TXNRD2: variants seen among roughly 807,000 people sequenced by gnomAD.
The protein encoded by TXNRD2 is thioredoxin reductase 2, also known as thioredoxin reductase 2, mitochondrial.
A neutral mutation model predicts 70.8 loss-of-function variants in TXNRD2; 67 were observed. The ratio of observed to expected loss-of-function variants is 0.95; its 90% CI spans 0.78 to 1.16. The LOEUF is 1.16. TXNRD2 is among the 50% of genes most tolerant of loss of function. The probability of loss-of-function intolerance (pLI) is 0.00; values close to 1 mark genes in which losing one functional copy is unlikely to be tolerated. For synonymous variants in TXNRD2, 301 were observed against 295.8 expected, an observed-to-expected ratio of 1.02 and a Z score of -0.18; for missense variants, 644 against 719.9, an observed-to-expected ratio of 0.89 and a Z score of 1.21.
At chr22:19,886,535 C>G (rs914406434) in intron 11 of TXNRD2, among the ~76,000 whole-genome samples, 1 of 152,228 alleles carries the variant, frequency 6.6e-6, no homozygotes, top group South Asian at 2.1e-4. Context: ...CAGTCAGCTC[C>G]CCACCATTTC....
chr22:19,891,727 C>T (rs1939270919), intron 11 of TXNRD2: 1 of 152,242 alleles, frequency 6.6e-6, no homozygotes, highest in Non-Finnish European at 1.5e-5. Context: ...GGAAATCCTC[C>T]TCACTGAAGT....
At chr22:19,932,321 G>C in intron 1 of TXNRD2, 1 of 1,612,518 alleles carries the variant, frequency 6.2e-7, no homozygotes, top group Middle Eastern at 1.7e-4. Context: ...TTTCATCCCT[G>C]GAATTCCTTT....
At chr22:19,902,735 G>A (rs929507920) in intron 8 of TXNRD2, among the ~76,000 whole-genome samples, 2 of 152,234 alleles carry the variant, frequency 1.3e-5, no homozygotes, top group Non-Finnish European at 2.9e-5. Context: ...ACAGAGAGGT[G>A]GCGGGGGCTT....
chr22:19,925,573 A>G (rs867883151), intron 2 of TXNRD2, among the ~76,000 whole-genome samples: 20 of 152,062 alleles, frequency 1.3e-4, no homozygotes, highest in African/African-American at 4.6e-4. Context: ...ATGTAACAGT[A>G]AACACATGAT....
At chr22:19,900,280 G>A (rs1375052241) in intron 8 of TXNRD2, among the ~76,000 whole-genome samples, 3 of 152,134 alleles carry the variant, frequency 2.0e-5, no homozygotes, top group East Asian at 1.9e-4. Flanking sequence ...TCCCAGCCCC[G>A]CTCAGGGCCG....
intron 16 of TXNRD2, 46 bp from the exon 17 acceptor site, chr22:19,877,280 G>C: frequency 6.4e-7 from 1 of 1,556,092 alleles, no homozygotes; most frequent in South Asian, 1.1e-5. Context: ...GCACAGGGAG[G>C]GGGGTCCACA....
intron 1 of TXNRD2, 33 bp downstream of exon 1, chr22:19,941,668 A>G (rs1424144046): frequency 5.5e-6 from 8 of 1,448,010 alleles, no homozygotes; most frequent in Non-Finnish European, 7.2e-6. Context: ...CCGCGCGGAC[A>G]CCTACCGCGG....
intron 8 of TXNRD2, among the ~76,000 whole-genome samples, chr22:19,899,792 C>T (rs941788547): frequency 3.3e-5 from 5 of 152,222 alleles, no homozygotes; most frequent in East Asian, 1.9e-4. Flanking sequence ...TACACACACA[C>T]GCACATACTC....
At chr22:19,930,280 C>T (rs1245797087) in intron 2 of TXNRD2, among the ~76,000 whole-genome samples, 1 of 152,132 alleles carries the variant, frequency 6.6e-6, no homozygotes, top group Non-Finnish European at 1.5e-5. Context: ...CCAGTTAACT[C>T]CCTCTCATTT....
chr22:19,913,321 G>A (rs1301312551), intron 7 of TXNRD2, among the ~76,000 whole-genome samples: 1 of 152,160 alleles, frequency 6.6e-6, no homozygotes, highest in Non-Finnish European at 1.5e-5. Flanking sequence ...AGTGAGAATG[G>A]GAACTCCAGG....
At chr22:19,883,976 G>A (rs1342232206) in intron 11 of TXNRD2, 1 of 154,776 alleles carries the variant, frequency 6.5e-6, no homozygotes, top group Non-Finnish European at 1.4e-5. Context: ...AGAAAAGAAA[G>A]AAACCCTGTC....
intron 6 of TXNRD2, 143 bp downstream of exon 6, chr22:19,915,622 G>A: frequency 3.9e-6 from 3 of 773,308 alleles, no homozygotes; most frequent in Non-Finnish European, 6.8e-6. Flanking sequence ...AAAGACAAGT[G>A]CCCAGCCTCA....
chr22:19,933,429 C>T, intron 1 of TXNRD2: 2 of 1,289,456 alleles, frequency 1.6e-6, no homozygotes, highest in Non-Finnish European at 2.0e-6. Context: ...TCAGAACGTC[C>T]CTACCTTCCA....
At chr22:19,911,324 T>C in intron 8 of TXNRD2, 53 bp downstream of exon 8, 1 of 1,413,572 alleles carries the variant, frequency 7.1e-7, no homozygotes, top group Admixed American at 1.7e-5. Flanking sequence ...AAGGGTCCAG[T>C]GCTCACTCTG....
intron 7 of TXNRD2, 179 bp downstream of exon 7, chr22:19,915,035 C>T: frequency 1.5e-6 from 1 of 654,266 alleles, no homozygotes; most frequent in Non-Finnish European, 2.8e-6. Context: ...CCACTGGGGA[C>T]CCCACATTTC....
intron 8 of TXNRD2, among the ~76,000 whole-genome samples, chr22:19,907,533 G>A (rs868378248): frequency 7.5e-4 from 12 of 15,912 alleles, no homozygotes; most frequent in South Asian, 4.6e-3. Flanking sequence ...GAGTGTGGGC[G>A]CCGTGGGTAG....
intron 11 of TXNRD2, among the ~76,000 whole-genome samples, chr22:19,885,045 T>C (rs1402453115): frequency 6.6e-6 from 1 of 151,688 alleles, no homozygotes; most frequent in African/African-American, 2.4e-5. Flanking sequence ...GTCCAGGGGG[T>C]CAGCACAGCT....
intron 14 of TXNRD2, among the ~76,000 whole-genome samples, chr22:19,878,990 T>C (rs1938633356): frequency 6.6e-6 from 1 of 152,240 alleles, no homozygotes; most frequent in Non-Finnish European, 1.5e-5. Context: ...TCACATGTGC[T>C]GTACAGCCAT....
intron 10 of TXNRD2, among the ~76,000 whole-genome samples, chr22:19,897,051 C>T (rs1425333592): frequency 6.6e-6 from 1 of 152,218 alleles, no homozygotes; most frequent in Non-Finnish European, 1.5e-5. Flanking sequence ...ACTGCCAGCT[C>T]ACCCTCCCCA....
Sources: gnomAD v4.1 joint callset for allele counts (sites outside exome capture counted in the v4.1 genomes callset) on GRCh38, gnomAD v4.1.1 for gene constraint, MANE v1.5 for transcripts, NCBI Gene and HGNC (gene_info 2026-07-23, HGNC 2026-07-21) for gene names.